Variants in DLAT observed in about 807,000 individuals in gnomAD.
DLAT encodes dihydrolipoyllysine-residue acetyltransferase component of pyruvate dehydrogenase complex, mitochondrial.
DLAT carries 43 observed loss-of-function variants against 68.0 expected under a neutral mutation model. The ratio of observed to expected loss-of-function variants is 0.63; its 90% confidence interval spans 0.50 to 0.81. The LOEUF (loss-of-function observed/expected upper bound fraction) is 0.81, where lower values mean the gene tolerates loss of function less well. DLAT is among the 40% of genes least tolerant of loss of function. The pLI is 0.00. For missense variants in DLAT, 745 were observed against 815.4 expected, an observed-to-expected ratio of 0.91 and a Z score of 1.05; for synonymous variants, 265 against 288.6, an observed-to-expected ratio of 0.92 and a Z score of 0.83.
Position 112,030,268 on chromosome 11 carries a change from C to G in DLAT, c.660+1323C>G, listed in dbSNP as rs1862322292. On this transcript the variant is annotated intron_variant, in intron 4 of 13. Coordinates refer to ENST00000280346, the MANE Select transcript of DLAT (RefSeq NM_001931.5). ...TTCTCGGTCGTCTTAGGCACAACGT[C>G]TGCAGAGAGCTCGATCTTTGTGCGG... 5.3e-6 allele frequency: 3 copies of G among 564,266 alleles called. No individual in the cohort carries two copies. In the Admixed American group the frequency reaches 6.0e-5, roughly 11 times the overall value. 35.0% of individuals were successfully genotyped at this position (564,266 alleles called of 1,614,324 possible).
chr11:112,054,856 T>A (rs1592714115), intron 11 of DLAT, among the ~76,000 whole-genome samples: 1 of 152,156 alleles, frequency 6.6e-6, no homozygotes, highest in East Asian at 1.9e-4. Flanking sequence ...GCTTTAGGCA[T>A]TTAGTGGTTT....
chr11:112,060,725 C>T (rs1864549680), intron 12 of DLAT, among the ~76,000 whole-genome samples: 1 of 152,260 alleles, frequency 6.6e-6, no homozygotes, highest in East Asian at 1.9e-4. Context: ...CTCACCCTCT[C>T]GAAGTGCTGG....
chr11:112,031,405 T>G (rs1862385744), intron 4 of DLAT, among the ~76,000 whole-genome samples: 1 of 152,156 alleles, frequency 6.6e-6, no homozygotes, highest in Non-Finnish European at 1.5e-5. Flanking sequence ...TTTTTACCCC[T>G]GGTTTTTTAT....
intron 5 of DLAT, 60 bp from the exon 6 acceptor site, chr11:112,037,213 T>G: frequency 2.7e-6 from 4 of 1,504,642 alleles, no homozygotes; most frequent in Non-Finnish European, 3.7e-6. Context: ...AACTGTGCTG[T>G]GAGTTTGGAG....
Position 112,025,790 on chromosome 11 carries a change from T to C in DLAT, c.279+39T>C, listed in dbSNP as rs201934276. On this transcript the variant is annotated intron_variant, in intron 1 of 13. Coordinates refer to ENST00000280346, the MANE Select transcript of DLAT (RefSeq NM_001931.5). ...CCCCCTTCTCGGGACCCCGTTGTCC[T>C]TCAGAGCTGACTGGATGCCTGCAAG... 904 of 1,610,934 alleles carry C rather than the reference T, an allele frequency of 5.6e-4. 5 individuals are homozygous for C. In the African/African-American group the frequency reaches 0.01, roughly 18 times the overall value.
At position 112,059,969 on chromosome 11, in the gene DLAT, T is replaced by C; in HGVS notation, c.1581T>C (p.Phe527=). ...TPAGLITPIV[F]NAHIKGVETI... The stretch of plus-strand genomic sequence containing the variant: ...CAGGACTCATCACACCTATTGTGTT[T>C]AATGCACATATAAAAGGAGTGGAAA... Residue 527 remains phenylalanine (F), a synonymous_variant, in exon 12 of 14, where the codon TTT becomes TTC. Transcript: ENST00000280346. The C allele has an allele frequency of 6.2e-7, 1 of 1,613,958 alleles. No individual in the cohort carries two copies. Among genetic ancestry groups the C allele is most frequent in the Non-Finnish European group, 8.5e-7 (1 of 1,179,868 alleles).
intron 10 of DLAT, among the ~76,000 whole-genome samples, chr11:112,046,430 G>C (rs1370762691): frequency 1.3e-5 from 2 of 151,078 alleles, no homozygotes; most frequent in Admixed American, 1.3e-4. Flanking sequence ...TTTATTTCCA[G>C]ATTTTTTTTT....
At chr11:112,061,578 TTTG>T in intron 13 of DLAT, 1 of 196,356 alleles carries the variant, frequency 5.1e-6, no homozygotes, top group Non-Finnish European at 1.0e-5. Flanking sequence ...CAGTGTTTTT[TTTG>T]TTTGTTTGTT....
intron 4 of DLAT, among the ~76,000 whole-genome samples, chr11:112,030,657 T>C (rs1555179882): frequency 6.6e-6 from 1 of 152,250 alleles, no homozygotes. Context: ...GCTAACTAAA[T>C]CAGTTTCTAA....
chr11:112,062,498 G>GA lies in DLAT; in HGVS notation c.1910dup (p.Tyr638ValfsTer3). On this transcript the variant is annotated frameshift_variant, in exon 14 of 14. Transcript: ENST00000280346. LOFTEE classifies it high-confidence loss of function. ...GGAGCCCAGTGGCTTGCTGAGTTTA[G>GA]AAAGTACCTTGAAAAACCTATCACT... 1 of 1,612,584 alleles carries GA rather than the reference G, an allele frequency of 6.2e-7. No individual in the cohort carries two copies. Among genetic ancestry groups the GA allele is most frequent in the Non-Finnish European group, 8.5e-7 (1 of 1,179,994 alleles).
intron 2 of DLAT, among the ~76,000 whole-genome samples, chr11:112,027,522 T>C (rs1862126317): frequency 6.6e-6 from 1 of 151,852 alleles, no homozygotes; most frequent in Non-Finnish European, 1.5e-5. Flanking sequence ...GGCTGCAATC[T>C]CGGCACTTTG....
Position 112,063,876 on chromosome 11 carries a change from C to A in DLAT, c.*1341C>A. ...AAACGTTTGAAATTATTTATGACTA[C>A]TTAAAATGAATCTGACCAGTGCTTC... On this transcript the variant is annotated 3_prime_UTR_variant, in exon 14 of 14. Coordinates refer to ENST00000280346, the MANE Select transcript of DLAT (RefSeq NM_001931.5). The A allele has an allele frequency of 3.9e-6, 1 of 258,130 alleles. No individual in the cohort carries two copies. Among genetic ancestry groups the A allele is most frequent in the Non-Finnish European group, 7.2e-6 (1 of 138,140 alleles). 16.0% of individuals were successfully genotyped at this position (258,130 alleles called of 1,614,324 possible). A position where few individuals can be genotyped will look rare whatever the true frequency, so the allele number is the denominator to read the frequency against.
chr11:112,032,898 C>A (rs1408309733), intron 4 of DLAT, among the ~76,000 whole-genome samples: 1 of 152,108 alleles, frequency 6.6e-6, no homozygotes, highest in Admixed American at 6.5e-5. Flanking sequence ...AAAACCCCAT[C>A]TCTACAAAAA....
rs1197966069 is a variant in DLAT, at chr11:112,026,844, A to C, written c.381+545A>C. On this transcript the variant is annotated intron_variant, in intron 2 of 13. Coordinates refer to ENST00000280346, the MANE Select transcript of DLAT (RefSeq NM_001931.5). ...GAGCTGTTGGGTACACCTCCCAGACAGGGTGGTGGCCGGGCAGAGGGGCTC... is the reference window on the plus strand; with the variant it reads ...GAGCTGTTGGGTACACCTCCCAGACCGGGTGGTGGCCGGGCAGAGGGGCTC... 2.0e-5 allele frequency among the ~76,000 whole-genome samples: 3 copies of C among 152,076 alleles called. No individual in the cohort carries two copies. In the East Asian group the frequency reaches 5.8e-4, roughly 29 times the overall value.
intron 11 of DLAT, among the ~76,000 whole-genome samples, chr11:112,057,292 A>G (rs965112432): frequency 2.0e-5 from 3 of 152,200 alleles, no homozygotes; most frequent in Admixed American, 6.5e-5. Context: ...TAACTCTACA[A>G]TGGCCTCTGA....
intron 7 of DLAT, among the ~76,000 whole-genome samples, chr11:112,042,023 T>A (rs1374144531): frequency 1.3e-5 from 2 of 152,222 alleles, no homozygotes; most frequent in Non-Finnish European, 2.9e-5. Flanking sequence ...TTTAAAGTAC[T>A]TGAGGAAGCC....
chr11:112,035,130 G>T (rs1280423060), intron 5 of DLAT, among the ~76,000 whole-genome samples: 2 of 152,180 alleles, frequency 1.3e-5, no homozygotes, highest in African/African-American at 4.8e-5. Flanking sequence ...TGTAATGGGA[G>T]GTACTGGGCA....
rs782562376 is a variant in DLAT, at chr11:112,062,532, GTAAC to G, written c.*3_*6del. On this transcript the variant is annotated stop_retained_variant and 3_prime_UTR_variant, in exon 14 of 14. Transcript: ENST00000280346. ...TTGAAAAACCTATCACTATGTTGTT[GTAAC>G]TAACTCAAGAATTTCTAAACTCTCC... is the stretch of plus-strand genomic sequence containing the variant. The G allele has an allele frequency of 2.5e-6, 4 of 1,612,252 alleles. No homozygotes were observed. The African/African-American group carries it at 5.3e-5, about 22-fold the overall frequency.
At chr11:112,043,007 C>T (rs1863124721) in intron 7 of DLAT, among the ~76,000 whole-genome samples, 1 of 152,172 alleles carries the variant, frequency 6.6e-6, no homozygotes. Context: ...TTTATGGTCA[C>T]ATAAATCCAG....
Sources: allele counts gnomAD v4.1 joint callset (sites outside exome capture counted in the v4.1 genomes callset), GRCh38; gene constraint gnomAD v4.1.1; transcripts MANE v1.5; gene names NCBI Gene and HGNC (gene_info 2026-07-23, HGNC 2026-07-21).